Variants in CIMAP1C observed in about 807,000 individuals in gnomAD.
The protein encoded by CIMAP1C is outer dense fiber of sperm tails 3 like 1.
At chr15:75,725,225 G>A in the CIMAP1C span, 40 of 1,587,316 alleles carry the variant, frequency 2.5e-5, no homozygotes, top group South Asian at 2.1e-4. Context: ...AAGCGTGAGC[G>A]TTGCCACCCC....
chr15:75,726,121 G>A, the CIMAP1C span: 2 of 1,612,114 alleles, frequency 1.2e-6, no homozygotes, highest in South Asian at 1.1e-5. Flanking sequence ...ACTCGGTTTG[G>A]AATGTCCAGC....
chr15:75,725,709 G>T, the CIMAP1C span, among the ~76,000 whole-genome samples: 1 of 152,184 alleles, frequency 6.6e-6, no homozygotes, highest in Non-Finnish European at 1.5e-5. Flanking sequence ...GCCTTTCCCT[G>T]GGGAGAATAC....
chr15:75,726,083 G>C, the CIMAP1C span: 1 of 1,613,900 alleles, frequency 6.2e-7, no homozygotes, highest in East Asian at 2.2e-5. Context: ...GCAGCCCTGG[G>C]CCTTGCTATC....
the CIMAP1C span, chr15:75,727,274 A>G: frequency 6.2e-7 from 1 of 1,614,178 alleles, no homozygotes; most frequent in Non-Finnish European, 8.5e-7. Context: ...CTCCAGGGAC[A>G]AGAACTGGTT....
At chr15:75,724,998 T>C in the CIMAP1C span, 15 of 701,992 alleles carry the variant, frequency 2.1e-5, no homozygotes, top group African/African-American at 1.9e-4. Context: ...GGCAGTGCGA[T>C]AGCAGCAAGA....
chr15:75,725,032 G>A, the CIMAP1C span: 11 of 908,144 alleles, frequency 1.2e-5, no homozygotes, highest in Admixed American at 2.0e-4. Flanking sequence ...ATGTTCCCAT[G>A]GTGCGCTGTA....
chr15:75,726,917 G>A, the CIMAP1C span: 1 of 1,104,750 alleles, frequency 9.1e-7, no homozygotes, highest in South Asian at 1.5e-5. Context: ...TCCGGCCTAA[G>A]TGACCATTTG....
At chr15:75,724,733 T>A in the CIMAP1C span, among the ~76,000 whole-genome samples, 1 of 152,222 alleles carries the variant, frequency 6.6e-6, no homozygotes, top group Non-Finnish European at 1.5e-5. Context: ...GTTTGTGATA[T>A]GTGGGTAGAT....
At chr15:75,725,575 C>T in the CIMAP1C span, among the ~76,000 whole-genome samples, 1 of 152,204 alleles carries the variant, frequency 6.6e-6, no homozygotes, top group African/African-American at 2.4e-5. Context: ...TGGTGGCCCC[C>T]AGAGCTCCTC....
At chr15:75,726,069 C>G in the CIMAP1C span, 1 of 1,613,054 alleles carries the variant, frequency 6.2e-7, no homozygotes, top group South Asian at 1.1e-5. Flanking sequence ...GATGGTGTGC[C>G]ACAGCAGCCC....
At chr15:75,726,196 T>G in the CIMAP1C span, 2 of 1,464,630 alleles carry the variant, frequency 1.4e-6, no homozygotes. Context: ...TGGACAGATG[T>G]TGGGGGTTGG....
the CIMAP1C span, among the ~76,000 whole-genome samples, chr15:75,724,540 A>G: frequency 6.6e-6 from 1 of 152,230 alleles, no homozygotes; most frequent in Non-Finnish European, 1.5e-5. Flanking sequence ...GAAAAAGACT[A>G]GGAGCCTTTG....
the CIMAP1C span, chr15:75,725,030 A>G: frequency 1.1e-6 from 1 of 901,356 alleles, no homozygotes; most frequent in Non-Finnish European, 1.8e-6. Flanking sequence ...CAATGTTCCC[A>G]TGGTGCGCTG....
chr15:75,726,468 C>T, the CIMAP1C span, among the ~76,000 whole-genome samples: 5 of 152,096 alleles, frequency 3.3e-5, no homozygotes, highest in Non-Finnish European at 5.9e-5. Context: ...GTTTCTGTGT[C>T]GCTGTCAGAG....
chr15:75,725,112 G>C, the CIMAP1C span: 1 of 1,612,464 alleles, frequency 6.2e-7, no homozygotes, highest in East Asian at 2.2e-5. Flanking sequence ...TTACAGGTCC[G>C]GGGCCCGCCA....
the CIMAP1C span, among the ~76,000 whole-genome samples, chr15:75,724,487 G>C: frequency 1.3e-5 from 2 of 152,246 alleles, no homozygotes; most frequent in East Asian, 3.8e-4. Context: ...CCAAGTGGGT[G>C]GGGGAGGAGG....
chr15:75,725,808 A>G, the CIMAP1C span, among the ~76,000 whole-genome samples: 5 of 152,102 alleles, frequency 3.3e-5, no homozygotes, highest in African/African-American at 1.2e-4. Flanking sequence ...GTTGGCCCCA[A>G]CCCCTGATTG....
At chr15:75,724,468 T>G in the CIMAP1C span, 2,198 of 653,560 alleles carry the variant, frequency 3.4e-3, 46 homozygotes, top group African/African-American at 0.036. Context: ...TGTTGGCTGC[T>G]GGGATTGTCC....
chr15:75,726,212 T>TGGGGGGTGGGTGGTG, the CIMAP1C span: 1 of 495,128 alleles, frequency 2.0e-6, no homozygotes, highest in Non-Finnish European at 3.7e-6. Flanking sequence ...GTTGGGAGGT[T>TGGGGGGTGGGTGGTG]GGGGGGTGGG....
Sources: allele counts gnomAD v4.1 joint callset (sites outside exome capture counted in the v4.1 genomes callset), GRCh38; gene constraint gnomAD v4.1.1; transcripts MANE v1.5; gene names NCBI Gene and HGNC (gene_info 2026-07-23, HGNC 2026-07-21).